KLHL17: variants seen among roughly 807,000 people sequenced by gnomAD.
The protein encoded by KLHL17 is kelch like family member 17.
A neutral mutation model predicts 64.6 loss-of-function variants in KLHL17; 71 were observed. The observed-to-expected ratio is 1.10, with a 90% CI of 0.91 to 1.34. KLHL17 has a LOEUF of 1.34. Among genes scored for constraint, KLHL17 ranks in the 40% most tolerant of loss-of-function variants. The probability of loss-of-function intolerance (pLI) is 0.00; values close to 1 mark genes in which losing one functional copy is unlikely to be tolerated. For missense variants in KLHL17, 1,140 were observed against 935.0 expected (o/e 1.22, Z -2.86); for synonymous variants, 612 against 405.4 (o/e 1.51, Z -6.12).
chr1:962,471 G>A lies in KLHL17; in HGVS notation c.828G>A (p.Arg276=). ...ACGCCCGCAGGCAGCATGTCCCACG[G>A]GTGAGGCGCGGCCGCGGGGGGCTCC... ...DVDARRQHVP[R]LMKCVRLPLL... The change falls in exon 5 of 12, where the codon CGG becomes CGA. Residue 276 remains arginine, a splice_region_variant and synonymous_variant. Transcript: ENST00000338591. The A allele has an allele frequency of 6.2e-7, 1 of 1,612,288 alleles. No individual in the cohort carries two copies. Among genetic ancestry groups the A allele is most frequent in the South Asian group, 1.1e-5 (1 of 91,024 alleles).
rs1453731996 is a variant in KLHL17 at position 963,993 on chromosome 1, C to T, written c.1429C>T (p.Arg477Ter). The T allele has an allele frequency of 2.3e-5, 37 of 1,612,496 alleles. No individual in the cohort carries two copies. The highest frequency in any genetic ancestry group is 3.0e-5 in the Non-Finnish European group (35 of 1,179,944). Residue 477 changes from arginine (R) to a stop codon, truncating the protein, a stop_gained, in exon 9 of 12, where the codon CGA becomes TGA. Coordinates refer to ENST00000338591, the MANE Select transcript of KLHL17 (RefSeq NM_198317.3). LOFTEE classifies it high-confidence loss of function. ...AAMSTRRRYV[R>*]VATLDGNLYA... ...CATGAGCACCCGGAGGCGCTATGTGCGAGTGGCCACGCTTGGTGGGTGATG... is the reference window on the plus strand; with the variant it reads ...CATGAGCACCCGGAGGCGCTATGTGTGAGTGGCCACGCTTGGTGGGTGATG...
chr1:961,747 G>A lies in KLHL17; in HGVS notation c.486G>A (p.Val162=). The change falls in exon 3 of 12, where the codon GTG becomes GTA. Residue 162 remains valine, a synonymous_variant. Coordinates refer to ENST00000338591, the MANE Select transcript of KLHL17 (RefSeq NM_198317.3). ...AGATTGTGGTGGGCGAGGGCAATGTGCAGGTGAGGGCTCCCTCACCCGGAT... is the reference window on the plus strand; with the variant it reads ...AGATTGTGGTGGGCGAGGGCAATGTACAGGTGAGGGCTCCCTCACCCGGAT... ...TAEIVVGEGN[V]QTLLPAASLL... The A allele has an allele frequency of 6.2e-7, 1 of 1,611,916 alleles. No individual in the cohort carries two copies. The highest frequency in any genetic ancestry group is 8.5e-7 in the Non-Finnish European group (1 of 1,179,490).
rs766152951 is a variant in KLHL17, at chr1:965,144, C to T, written c.1882C>T (p.Pro628Ser). 28 of 1,612,502 alleles carry T rather than the reference C, an allele frequency of 1.7e-5. No homozygotes were observed. Among genetic ancestry groups the T allele is most frequent in the Non-Finnish European group, 2.4e-5 (28 of 1,179,880 alleles). Residue 628 changes from proline (P) to serine (S), a missense_variant, in exon 12 of 12, where the codon CCG (proline) becomes TCG (serine). Physicochemically the swap from Pro to Ser is moderately conservative, Grantham distance 74 (BLOSUM62 -1). Coordinates refer to ENST00000338591, the MANE Select transcript of KLHL17 (RefSeq NM_198317.3). ...GGCGGTGCTGGAGCTGCTCAATTTCCCGCCGCCATCCTCCCCGACGCTGTC... is the reference window on the plus strand; with the variant it reads ...GGCGGTGCTGGAGCTGCTCAATTTCTCGCCGCCATCCTCCCCGACGCTGTC... ...GVAVLELLNF[P>S]PPSSPTLSVS...
In KLHL17 at chr1:960,703, C is replaced by G; in HGVS notation, c.10C>G (p.Arg4Gly). Residue 4 changes from arginine to glycine, a missense_variant, in exon 1 of 12, where the codon CGC (arginine) becomes GGC (glycine). Physicochemically the swap from Arg to Gly is moderately radical, Grantham distance 125. Transcript: ENST00000338591. MQP[R>G]SERPAGRTQS... is the part of the protein sequence containing the mutation. The stretch of plus-strand genomic sequence containing the variant: ...TGGGTCCGGCAGCCGAATGCAGCCC[C>G]GCAGCGAGCGCCCGGCCGGCAGGAC... 7.4e-7 allele frequency: 1 copy of G among 1,357,090 alleles called. No individual in the cohort carries two copies. The highest frequency in any genetic ancestry group is 9.5e-7 in the Non-Finnish European group (1 of 1,047,122). 84.1% of individuals were successfully genotyped at this position (1,357,090 alleles called of 1,614,324 possible).
intron 8 of KLHL17, 65 bp downstream of exon 8, chr1:963,569 C>T (rs1028350557): frequency 3.3e-5 from 50 of 1,517,396 alleles, no homozygotes; most frequent in African/African-American, 4.1e-5. Context: ...TTTGTGTCAC[C>T]ATCACAGGGG....
In KLHL17 at chr1:961,900, G is replaced by T. The variant is rs771298220; in HGVS notation, c.564G>T (p.Gln188His). The T allele has an allele frequency of 2.5e-6, 4 of 1,612,828 alleles. No individual in the cohort carries two copies. In the African/African-American group the frequency reaches 4.0e-5, roughly 16 times the overall value. ...CTTGCTGCAAGTTTCTACTGAGTCA[G>T]CTCGACCCCTCCAACTGCCTGGGTA... Reference protein sequence around the residue: ...RDACCKFLLSQLDPSNCLGIR... With the variant: ...RDACCKFLLSHLDPSNCLGIR... Residue 188 changes from glutamine to histidine, a missense_variant, in exon 4 of 12, where the codon CAG becomes CAT. Coordinates refer to ENST00000338591, the MANE Select transcript of KLHL17 (RefSeq NM_198317.3).
chr1:962,767 G>A lies in KLHL17; in HGVS notation c.892G>A (p.Glu298Lys), dbSNP rs373361452. 5.6e-6 allele frequency: 9 copies of A among 1,611,078 alleles called. No homozygotes were observed. The highest frequency in any genetic ancestry group is 6.8e-6 in the Non-Finnish European group (8 of 1,179,734). ...CTTCCTGCTGGGCCACGTGGATGCCGAGAGCCTGGTGAGGCACCACCCTGA... is the reference window on the plus strand; with the variant it reads ...CTTCCTGCTGGGCCACGTGGATGCCAAGAGCCTGGTGAGGCACCACCCTGA... ...RDFLLGHVDA[E>K]SLVRHHPDCK... Residue 298 changes from glutamate (E) to lysine (K), a missense_variant, in exon 6 of 12, where the codon GAG becomes AAG. Coordinates refer to ENST00000338591, the MANE Select transcript of KLHL17 (RefSeq NM_198317.3).
chr1:964,898 T>G, intron 11 of KLHL17, 65 bp from the exon 12 acceptor site: 1 of 1,216,378 alleles, frequency 8.2e-7, no homozygotes, highest in South Asian at 1.4e-5. Flanking sequence ...CACCCCTTTT[T>G]GTGGTGCAGC....
At chr1:960,864 G>C (rs1273454086) in intron 1 of KLHL17, 64 bp downstream of exon 1, 1 of 969,454 alleles carries the variant, frequency 1.0e-6, no homozygotes, top group Non-Finnish European at 1.2e-6. Context: ...CCGCCCTCGC[G>C]TCCGCTCGCA....
Position 962,784 on chromosome 1 carries a change from C to G in KLHL17, c.909C>G (p.His303Gln), listed in dbSNP as rs146297881. 1 of 1,611,162 alleles carries G rather than the reference C, an allele frequency of 6.2e-7. No homozygotes were observed. Among genetic ancestry groups the G allele is most frequent in the Non-Finnish European group, 8.5e-7 (1 of 1,179,722 alleles). Residue 303 changes from histidine (H) to glutamine (Q), a missense_variant, in exon 6 of 12, where the codon CAC becomes CAG. Physicochemically the swap from His to Gln is conservative, Grantham distance 24. Transcript: ENST00000338591. ...GHVDAESLVR[H>Q]HPDCKDLLIE... ...TGGATGCCGAGAGCCTGGTGAGGCA[C>G]CACCCTGACTGCAAGGACCTCCTCA...
chr1:962,383 T>C lies in KLHL17; in HGVS notation c.740T>C (p.Leu247Pro). 6.2e-7 allele frequency: 1 copy of C among 1,612,766 alleles called. No individual in the cohort carries two copies. Among genetic ancestry groups the C allele is most frequent in the Non-Finnish European group, 8.5e-7 (1 of 1,179,910 alleles). ...CTGGAACTGGTCTCTAGCGACAGCC[T>C]GAACGTGCCTTCAGAGGAGGAGGTC... ...QVLELVSSDSLNVPSEEEVYR... is the reference protein window; with the variant it reads ...QVLELVSSDSPNVPSEEEVYR... The change falls in exon 5 of 12, where the codon CTG becomes CCG. Residue 247 changes from leucine (L) to proline (P), a missense_variant. Transcript: ENST00000338591.
intron 4 of KLHL17, 71 bp downstream of exon 4, chr1:962,118 C>T (rs1642684996): frequency 1.4e-6 from 2 of 1,410,980 alleles, no homozygotes; most frequent in Non-Finnish European, 2.0e-6. Context: ...GACTCCCGAC[C>T]CCGTTTTGTT....
In KLHL17 at chr1:960,763, C is replaced by T. The variant is rs961029723; in HGVS notation, c.70C>T (p.Pro24Ser). Residue 24 changes from proline (P) to serine (S), a missense_variant, in exon 1 of 12, where the codon CCC (proline) becomes TCC (serine). Physicochemically the swap from Pro to Ser is moderately conservative, Grantham distance 74. Coordinates refer to ENST00000338591, the MANE Select transcript of KLHL17 (RefSeq NM_198317.3). ...GGAGCACGGCAGCCCGGGGCCCGGG[C>T]CCGAGGCGCCGCCGCCTCCACCGCC... ...SPEHGSPGPGPEAPPPPPPQP... is the reference protein window; with the variant it reads ...SPEHGSPGPGSEAPPPPPPQP... 9.6e-6 allele frequency: 11 copies of T among 1,142,216 alleles called. No individual in the cohort carries two copies. In the African/African-American group the frequency reaches 1.1e-4, roughly 12 times the overall value. The allele number at this position is 1,142,216 out of a possible 1,614,324, so 70.8% of individuals were successfully genotyped here.
Position 963,424 on chromosome 1 carries a change from G to C in KLHL17, c.1275G>C (p.Arg425Ser), listed in dbSNP as rs761461421. The C allele has an allele frequency of 6.2e-7, 1 of 1,612,706 alleles. No individual in the cohort carries two copies. Among genetic ancestry groups the C allele is most frequent in the South Asian group, 1.1e-5 (1 of 91,080 alleles). ...TWQPEVSMGT[R>S]RSCLGVAALH... ...AGCCGGAGGTGTCCATGGGCACAAG[G>C]CGAAGCTGCCTGGGTGTGGCCGCCT... is the stretch of plus-strand genomic sequence containing the variant. Residue 425 changes from arginine to serine, a missense_variant, in exon 8 of 12, where the codon AGG (arginine) becomes AGC (serine). By Grantham distance (110) the Arg-to-Ser change is moderately radical. Transcript: ENST00000338591.
Position 963,941 on chromosome 1 carries a change from G to A in KLHL17, c.1377G>A (p.Leu459=). The A allele has an allele frequency of 2.5e-6, 4 of 1,612,450 alleles. No homozygotes were observed. Among genetic ancestry groups the A allele is most frequent in the African/African-American group, 2.7e-5 (2 of 75,040 alleles). Residue 459 remains leucine (L), a synonymous_variant, in exon 9 of 12, where the codon CTG becomes CTA. Transcript: ENST00000338591. ...CLNSAERYDP[L]TGTWTSVAAM... ...ACAGTGCTGAACGCTACGACCCCCT[G>A]ACCGGAACGTGGACGTCCGTCGCTG...
chr1:962,940 C>T (rs747239189), intron 6 of KLHL17, 23 bp downstream of exon 6: 11 of 1,536,128 alleles, frequency 7.2e-6, no homozygotes, highest in African/African-American at 2.7e-5. Context: ...GCCCGTTTCC[C>T]TCTTGCCCTG....
Position 964,986 on chromosome 1 carries a change from T to G in KLHL17, c.1724T>G (p.Met575Arg), listed in dbSNP as rs1220211334. ...IRRSTHDLVA[M>R]DGWLYAVGGN... ...AGGAGCACGCATGACCTGGTGGCCA[T>G]GGACGGATGGTTGTACGCCGTGGGG... Residue 575 changes from methionine (M) to arginine (R), a missense_variant, in exon 12 of 12, where the codon ATG becomes AGG. Coordinates refer to ENST00000338591, the MANE Select transcript of KLHL17 (RefSeq NM_198317.3). 1 of 1,610,970 alleles carries G rather than the reference T, an allele frequency of 6.2e-7. No homozygotes were observed. Among genetic ancestry groups the G allele is most frequent in the Non-Finnish European group, 8.5e-7 (1 of 1,178,678 alleles).
intron 5 of KLHL17, 101 bp from the exon 6 acceptor site, chr1:962,601 GAA>G: frequency 6.6e-7 from 1 of 1,520,084 alleles, no homozygotes; most frequent in Non-Finnish European, 8.8e-7. Flanking sequence ...GTCTGAAGAA[GAA>G]TCCATCACAC....
In KLHL17 at chr1:962,703, G is replaced by T; in HGVS notation, c.829-1G>T. 1 of 1,590,832 alleles carries T rather than the reference G, an allele frequency of 6.3e-7. No homozygotes were observed. Among genetic ancestry groups the T allele is most frequent in the South Asian group, 1.1e-5 (1 of 88,360 alleles). ...TGACCTTGGCGTTCCCTGCACCCCA[G>T]CTCATGAAGTGTGTGCGGCTGCCCT... On this transcript the variant is annotated splice_acceptor_variant, in intron 5 of 11. Transcript: ENST00000338591. LOFTEE classifies it high-confidence loss of function.
Sources: gnomAD v4.1 joint callset for allele counts on GRCh38, gnomAD v4.1.1 for gene constraint, MANE v1.5 for transcripts, NCBI Gene and HGNC (gene_info 2026-07-23, HGNC 2026-07-21) for gene names.